The following RUNDC3B variants were observed in gnomAD, a reference collection of about 807,000 sequenced individuals.
RUNDC3B encodes RUN domain containing 3B.
In RUNDC3B, 33 loss-of-function variants were observed where a neutral mutation model predicts 58.4. The ratio of observed to expected loss-of-function variants is 0.56; its 90% CI spans 0.43 to 0.75. The LOEUF (loss-of-function observed/expected upper bound fraction) is 0.75, where lower values mean the gene tolerates loss of function less well. RUNDC3B is among the 30% of genes least tolerant of loss of function. The pLI is 0.00. For synonymous variants in RUNDC3B, 193 were observed against 195.2 expected (o/e 0.99, Z 0.10); for missense variants, 501 against 535.7 (o/e 0.94, Z 0.64).
intron 6 of RUNDC3B, among the ~76,000 whole-genome samples, chr7:87,755,068 G>A (rs997013142): frequency 6.0e-5 from 9 of 151,212 alleles, no homozygotes; most frequent in Admixed American, 2.0e-4. Flanking sequence ...TGTCACCCAG[G>A]CTGGAGTGCA....
chr7:87,709,288 A>G (rs1322563347), intron 3 of RUNDC3B: 15 of 985,188 alleles, frequency 1.5e-5, no homozygotes, highest in African/African-American at 1.7e-5. Context: ...TCTTGACTTC[A>G]TTGGTGAAAT....
intron 4 of RUNDC3B, among the ~76,000 whole-genome samples, chr7:87,730,189 G>C (rs2188523): frequency 1.3e-5 from 2 of 152,240 alleles, no homozygotes; most frequent in Admixed American, 6.5e-5. Flanking sequence ...ACTCCTTCTG[G>C]TTGAGAAACA....
chr7:87,652,317 G>A (rs1425961553), intron 2 of RUNDC3B, among the ~76,000 whole-genome samples: 1 of 152,026 alleles, frequency 6.6e-6, no homozygotes, highest in Non-Finnish European at 1.5e-5. Flanking sequence ...CATGCCAAGT[G>A]GTTGGGTAGA....
intron 10 of RUNDC3B, 139 bp downstream of exon 10, chr7:87,816,401 G>A (rs1837036893): frequency 3.2e-6 from 2 of 619,346 alleles, no homozygotes; most frequent in South Asian, 2.8e-5. Context: ...ATTAAAAATG[G>A]TCTGCCTTTG....
chr7:87,651,901 C>T (rs1823612236), intron 2 of RUNDC3B, among the ~76,000 whole-genome samples: 2 of 152,034 alleles, frequency 1.3e-5, no homozygotes, highest in African/African-American at 4.8e-5. Context: ...TGTAAAATTG[C>T]TAATGCTTTT....
At chr7:87,821,427 G>A (rs1238069096) in intron 10 of RUNDC3B, among the ~76,000 whole-genome samples, 2 of 152,152 alleles carry the variant, frequency 1.3e-5, no homozygotes, top group Admixed American at 6.6e-5. Flanking sequence ...CATGCTCATG[G>A]GTAGGAAGAG....
At chr7:87,686,320 T>G (rs558010329) in intron 2 of RUNDC3B, among the ~76,000 whole-genome samples, 14 of 152,284 alleles carry the variant, frequency 9.2e-5, no homozygotes, top group African/African-American at 3.1e-4. Context: ...AATAATTGTG[T>G]GTACTAATGT....
chr7:87,728,550 T>A (rs28774398), intron 4 of RUNDC3B, among the ~76,000 whole-genome samples: 11,910 of 152,248 alleles, frequency 0.078, 488 homozygotes, highest in African/African-American at 0.1. Context: ...ATGCATTACT[T>A]GGCTCATGGC....
At chr7:87,745,349 G>T (rs944397746) in intron 6 of RUNDC3B, among the ~76,000 whole-genome samples, 1 of 152,078 alleles carries the variant, frequency 6.6e-6, no homozygotes, top group Non-Finnish European at 1.5e-5. Context: ...ATTAGGGAAG[G>T]TTCCTTCTTT....
Position 87,725,311 on chromosome 7 carries a change from A to G in RUNDC3B, c.459-14480A>G, listed in dbSNP as rs1261744508. On this transcript the variant is annotated intron_variant, in intron 4 of 10. Coordinates refer to ENST00000394654, the MANE Select transcript of RUNDC3B (RefSeq NM_001134405.2). ...TGTGTCCAAGCATTCTCATTGTTCA[A>G]TTCGCACCTATAAGTGAGAACATGC... Among the ~76,000 whole-genome samples the G allele has an allele frequency of 2.6e-5, 4 of 152,240 alleles. No individual in the cohort carries two copies. In the South Asian group the frequency reaches 8.3e-4, roughly 32 times the overall value.
chr7:87,781,433 G>C (rs1330201395), intron 8 of RUNDC3B, among the ~76,000 whole-genome samples: 1 of 152,052 alleles, frequency 6.6e-6, no homozygotes, highest in Non-Finnish European at 1.5e-5. Flanking sequence ...TCAGGAAAGA[G>C]AGACAATATG....
chr7:87,697,824 A>AT (rs1325806846), intron 2 of RUNDC3B, among the ~76,000 whole-genome samples: 3 of 152,058 alleles, frequency 2.0e-5, no homozygotes, highest in African/African-American at 7.2e-5. Flanking sequence ...AACCTAAGTC[A>AT]TTTTTTCAAG....
chr7:87,752,843 T>G (rs1277156677), intron 6 of RUNDC3B, among the ~76,000 whole-genome samples: 1 of 152,098 alleles, frequency 6.6e-6, no homozygotes, highest in Admixed American at 6.5e-5. Flanking sequence ...GATTCATTAA[T>G]TTTTTGAAGA....
intron 10 of RUNDC3B, among the ~76,000 whole-genome samples, chr7:87,820,386 A>G (rs536794728): frequency 2.2e-4 from 33 of 152,258 alleles, no homozygotes; most frequent in African/African-American, 5.5e-4. Flanking sequence ...TGAAATTGTG[A>G]CAATAATCAA....
intron 5 of RUNDC3B, 95 bp from the exon 6 acceptor site, chr7:87,741,404 A>G (rs769039952): frequency 1.5e-6 from 1 of 679,556 alleles, no homozygotes; most frequent in Non-Finnish European, 2.4e-6. Context: ...CCATTTGATG[A>G]GAGAAACGTC....
intron 9 of RUNDC3B, among the ~76,000 whole-genome samples, chr7:87,811,526 T>G (rs992374955): frequency 1.2e-4 from 18 of 152,082 alleles, no homozygotes; most frequent in African/African-American, 4.3e-4. Context: ...TTAGTAGAGA[T>G]AGAGTTTCAC....
At position 87,628,541 on chromosome 7, in the gene RUNDC3B, C is replaced by A. The variant is rs1236977561; in HGVS notation, c.-283C>A. 3.4e-6 allele frequency: 1 copy of A among 296,376 alleles called. No individual in the cohort carries two copies. Among genetic ancestry groups the A allele is most frequent in the Non-Finnish European group, 6.2e-6 (1 of 161,846 alleles). 18.4% of individuals were successfully genotyped at this position (296,376 alleles called of 1,614,324 possible). A position where few individuals can be genotyped will look rare whatever the true frequency, so the allele number is the denominator to read the frequency against. On this transcript the variant is annotated 5_prime_UTR_variant, in exon 1 of 11. Coordinates refer to ENST00000394654, the MANE Select transcript of RUNDC3B (RefSeq NM_001134405.2). ...CTGACGCCGACCCGCAGGCGCAGCC[C>A]GGCAGTCGGCGGCGCGCCGAGGGCG...
In RUNDC3B at chr7:87,725,587, A is replaced by G. The variant is rs541813890; in HGVS notation, c.459-14204A>G. Among the ~76,000 whole-genome samples, 5 of 152,288 alleles carry G rather than the reference A, an allele frequency of 3.3e-5. No individual in the cohort carries two copies. The South Asian group carries it at 1.0e-3, about 32-fold the overall frequency. Reference sequence around the variant, plus strand: ...TGTCTTTATAGCAGCATGATTTATAATCCTTTGGGTATATACCCAGTAATG... The same window carrying G: ...TGTCTTTATAGCAGCATGATTTATAGTCCTTTGGGTATATACCCAGTAATG... On this transcript the variant is annotated intron_variant, in intron 4 of 10. Transcript: ENST00000394654.
At chr7:87,823,022 A>G (rs992755224) in intron 10 of RUNDC3B, among the ~76,000 whole-genome samples, 14 of 152,256 alleles carry the variant, frequency 9.2e-5, no homozygotes, top group Non-Finnish European at 2.1e-4. Context: ...CATGTACCCT[A>G]AAACTTAAAG....
Sources: allele counts gnomAD v4.1 joint callset (sites outside exome capture counted in the v4.1 genomes callset), GRCh38; gene constraint gnomAD v4.1.1; transcripts MANE v1.5; gene names NCBI Gene and HGNC (gene_info 2026-07-23, HGNC 2026-07-21).